The following SORCS3 variants were observed in gnomAD, a reference collection of about 807,000 sequenced individuals.
SORCS3 encodes the protein sortilin related VPS10 domain containing receptor 3, also known as VPS10 domain-containing receptor SorCS3.
SORCS3 carries 57 observed loss-of-function variants against 146.3 expected under a neutral mutation model. The observed-to-expected ratio is 0.39, with a 90% CI of 0.31 to 0.49. The LOEUF (loss-of-function observed/expected upper bound fraction) is 0.49, where lower values mean the gene tolerates loss of function less well. Among genes scored for constraint, SORCS3 ranks in the 20% least tolerant of loss-of-function variants. The probability of loss-of-function intolerance (pLI) is 0.92; values close to 1 mark genes in which losing one functional copy is unlikely to be tolerated. For missense variants in SORCS3, 1,341 were observed against 1,575.5 expected (o/e 0.85, Z 2.52); for synonymous variants, 653 against 618.5 (o/e 1.06, Z -0.83).
chr10:105,189,155 G>A (rs1340176817), intron 14 of SORCS3, among the ~76,000 whole-genome samples: 1 of 152,134 alleles, frequency 6.6e-6, no homozygotes, highest in Non-Finnish European at 1.5e-5. Context: ...TTCTTTATTT[G>A]TAAATTGAGG....
At position 105,247,229 on chromosome 10, in the gene SORCS3, G is replaced by C; in HGVS notation, c.3003G>C (p.Gln1001His). ...TKEIAVHEYFQSQLLSFSPNL... is the reference protein window; with the variant it reads ...TKEIAVHEYFHSQLLSFSPNL... ...TCTCTCTCCCTGCAGAATATTTCCA[G>C]TCCCAGCTTTTATCATTCTCTCCTA... Residue 1001 changes from glutamine to histidine, a missense_variant, in exon 22 of 27, where the codon CAG becomes CAC. By Grantham distance (24) the Gln-to-His change is conservative. Coordinates refer to ENST00000369701, the MANE Select transcript of SORCS3 (RefSeq NM_014978.3). The C allele has an allele frequency of 6.3e-7, 1 of 1,594,336 alleles. No individual in the cohort carries two copies. Among genetic ancestry groups the C allele is most frequent in the Non-Finnish European group, 8.6e-7 (1 of 1,164,308 alleles).
intron 1 of SORCS3, among the ~76,000 whole-genome samples, chr10:104,719,673 A>G (rs775635817): frequency 1.3e-5 from 2 of 152,204 alleles, no homozygotes; most frequent in Admixed American, 6.5e-5. Flanking sequence ...AATATAAAAG[A>G]CACTTGGAAA....
chr10:105,186,962 C>A (rs1242386605), intron 14 of SORCS3, among the ~76,000 whole-genome samples: 1 of 151,834 alleles, frequency 6.6e-6, no homozygotes, highest in African/African-American at 2.4e-5. Context: ...CCCTTGTTTC[C>A]ATCTCTTAGA....
chr10:105,178,803 T>C (rs10128431), intron 14 of SORCS3, among the ~76,000 whole-genome samples: 66,895 of 151,960 alleles, frequency 0.44, 14,983 homozygotes, highest in South Asian at 0.52. Context: ...CCACCTCCCC[T>C]ACTCCCATTT....
At chr10:105,169,064 A>G (rs1396565672) in intron 13 of SORCS3, among the ~76,000 whole-genome samples, 1 of 152,158 alleles carries the variant, frequency 6.6e-6, no homozygotes, top group East Asian at 1.9e-4. Context: ...AACCATTTAC[A>G]TGAATTATCT....
chr10:104,790,800 A>G (rs1051426490), intron 1 of SORCS3, among the ~76,000 whole-genome samples: 1 of 152,224 alleles, frequency 6.6e-6, no homozygotes, highest in African/African-American at 2.4e-5. Context: ...CGCTAATGAC[A>G]TTTACCTTTA....
chr10:105,068,754 A>G (rs73344320), intron 5 of SORCS3, among the ~76,000 whole-genome samples: 2 of 152,182 alleles, frequency 1.3e-5, no homozygotes, highest in African/African-American at 2.4e-5. Context: ...ATTTGAGGCA[A>G]TTCAAGGTTA....
chr10:104,845,208 T>A (rs988901156), intron 2 of SORCS3, among the ~76,000 whole-genome samples: 1 of 152,168 alleles, frequency 6.6e-6, no homozygotes, highest in African/African-American at 2.4e-5. Flanking sequence ...TGGCTACATT[T>A]TTTTTTCTTG....
In SORCS3 at chr10:104,820,680, T is replaced by A. The variant is rs150140320; in HGVS notation, c.628-22112T>A. Among the ~76,000 whole-genome samples, 12 of 152,308 alleles carry A rather than the reference T, an allele frequency of 7.9e-5. 1 individual carries two copies. The highest frequency in any genetic ancestry group is 2.1e-4 in the South Asian group (1 of 4,824). On this transcript the variant is annotated intron_variant, in intron 1 of 26. Transcript: ENST00000369701. ...GTTTGTCAATATTTTATTTAGAATA[T>A]TTGCATCAAAATTAAATGTGAACTA...
At chr10:104,950,002 A>G (rs1225274308) in intron 3 of SORCS3, among the ~76,000 whole-genome samples, 3 of 152,202 alleles carry the variant, frequency 2.0e-5, no homozygotes, top group African/African-American at 2.4e-5. Flanking sequence ...GCATAAGTCT[A>G]CCTGTAAGTT....
intron 2 of SORCS3, among the ~76,000 whole-genome samples, chr10:104,907,488 C>T (rs751490556): frequency 1.1e-4 from 17 of 152,206 alleles, no homozygotes; most frequent in Non-Finnish European, 2.4e-4. Context: ...ACCCCATATA[C>T]TTCAGCCTCT....
chr10:104,987,216 A>G (rs897686262), intron 4 of SORCS3, among the ~76,000 whole-genome samples: 1 of 152,146 alleles, frequency 6.6e-6, no homozygotes, highest in Non-Finnish European at 1.5e-5. Context: ...GAATGTAGGA[A>G]GGGAGAAAAA....
At chr10:104,991,698 G>A (rs181797512) in intron 4 of SORCS3, among the ~76,000 whole-genome samples, 10 of 151,926 alleles carry the variant, frequency 6.6e-5, no homozygotes, top group East Asian at 3.9e-4. Flanking sequence ...ACAAGGTTTC[G>A]CTATATTGGC....
At chr10:105,242,334 T>TTA (rs1429830805) in intron 20 of SORCS3, among the ~76,000 whole-genome samples, 12 of 128,486 alleles carry the variant, frequency 9.3e-5, no homozygotes, top group East Asian at 8.9e-4. Flanking sequence ...ATACATATAT[T>TTA]TATATATATA....
Position 105,164,119 on chromosome 10 carries a change from AT to A in SORCS3, c.1733-178del, listed in dbSNP as rs778531118. Among the ~76,000 whole-genome samples, 18 of 152,174 alleles carry A rather than the reference AT, an allele frequency of 1.2e-4. No individual in the cohort carries two copies. In the East Asian group the frequency reaches 2.9e-3, roughly 25 times the overall value. On this transcript the variant is annotated intron_variant, in intron 11 of 26. Coordinates refer to ENST00000369701, the MANE Select transcript of SORCS3 (RefSeq NM_014978.3). ...GATGCATTTCTGTCATACTATTTAG[AT>A]TTTTTCCCATATTGGGTTTTTCATC...
chr10:104,821,620 G>T (rs2017874269), intron 1 of SORCS3, among the ~76,000 whole-genome samples: 2 of 152,160 alleles, frequency 1.3e-5, no homozygotes, highest in Admixed American at 6.5e-5. Context: ...TCAACCTCAG[G>T]TTTAAAGTCC....
intron 4 of SORCS3, among the ~76,000 whole-genome samples, chr10:104,997,788 C>G (rs965114091): frequency 6.6e-6 from 1 of 152,116 alleles, no homozygotes; most frequent in Non-Finnish European, 1.5e-5. Flanking sequence ...TTCAGCAAAT[C>G]TTTACTGAGG....
At chr10:104,785,181 C>G (rs2133495648) in intron 1 of SORCS3, among the ~76,000 whole-genome samples, 1 of 149,946 alleles carries the variant, frequency 6.7e-6, no homozygotes. Flanking sequence ...CGGATGGTTG[C>G]CGTGTCTGTG....
intron 1 of SORCS3, among the ~76,000 whole-genome samples, chr10:104,800,243 C>CAT (rs3976795): frequency 0.27 from 40,096 of 150,122 alleles, 5,762 homozygotes; most frequent in East Asian, 0.65. Context: ...CATATGATTT[C>CAT]ATATATATAT....
Sources: allele counts gnomAD v4.1 joint callset (sites outside exome capture counted in the v4.1 genomes callset), GRCh38; gene constraint gnomAD v4.1.1; transcripts MANE v1.5; gene names NCBI Gene and HGNC (gene_info 2026-07-23, HGNC 2026-07-21).